Variants in ZDHHC2 observed in about 807,000 individuals in gnomAD.
ZDHHC2 encodes the protein zDHHC palmitoyltransferase 2.
In ZDHHC2, 51 loss-of-function variants were observed where a neutral mutation model predicts 55.6. That is an observed-to-expected ratio of 0.92 (90% CI 0.73 to 1.16). The LOEUF is 1.16. ZDHHC2 is among the 50% of genes most tolerant of loss of function. The probability of loss-of-function intolerance (pLI) is 0.00; values close to 1 mark genes in which losing one functional copy is unlikely to be tolerated. For missense variants in ZDHHC2, 491 were observed against 442.4 expected (o/e 1.11, Z -0.99); for synonymous variants, 199 against 152.9 (o/e 1.30, Z -2.22).
At chr8:17,215,567 C>CT (rs1401778449) in intron 11 of ZDHHC2, among the ~76,000 whole-genome samples, 1 of 152,190 alleles carries the variant, frequency 6.6e-6, no homozygotes, top group East Asian at 1.9e-4. Context: ...TCTGCATTGC[C>CT]TTTTTTCTGT....
intron 6 of ZDHHC2, among the ~76,000 whole-genome samples, chr8:17,200,630 AAAT>A (rs1191115696): frequency 6.6e-6 from 1 of 152,248 alleles, no homozygotes; most frequent in East Asian, 1.9e-4. Context: ...CAAAAAGAGA[AAAT>A]AATAATTTAT....
chr8:17,209,822 T>C lies in ZDHHC2; in HGVS notation c.731-110T>C. The C allele has an allele frequency of 2.3e-6, 3 of 1,295,948 alleles. No individual in the cohort carries two copies. The East Asian group carries it at 7.8e-5, about 34-fold the overall frequency. The allele number at this position is 1,295,948 out of a possible 1,614,324, so 80.3% of individuals were successfully genotyped here. On this transcript the variant is annotated intron_variant, in intron 8 of 12. Transcript: ENST00000262096. ...AGGCACATAAGCCCTCACAGTCAGCTAGCCATTGATTTTCAGAGTTTCTTC... is the reference window on the plus strand; with the variant it reads ...AGGCACATAAGCCCTCACAGTCAGCCAGCCATTGATTTTCAGAGTTTCTTC...
intron 1 of ZDHHC2, among the ~76,000 whole-genome samples, chr8:17,178,752 T>C (rs2517082): frequency 0.75 from 114,760 of 152,152 alleles, 43,503 homozygotes; most frequent in East Asian, 0.8. Flanking sequence ...AGGAGCAGTT[T>C]GTCATCCTTT....
In ZDHHC2 at chr8:17,185,495, TA is replaced by T. The variant is rs952810391; in HGVS notation, c.157+691del. On this transcript the variant is annotated intron_variant, in intron 2 of 12. Coordinates refer to ENST00000262096, the MANE Select transcript of ZDHHC2 (RefSeq NM_016353.5). Reference sequence around the variant, plus strand: ...AGCATGGTGAAACCCTGTCTCTACTTAAAAAAAAAAAGAAAAATACTAACAT... The same window carrying T: ...AGCATGGTGAAACCCTGTCTCTACTTAAAAAAAAAAGAAAAATACTAACAT... 7.7e-4 allele frequency among the ~76,000 whole-genome samples: 110 copies of T among 143,214 alleles called. No homozygotes were observed. The East Asian group carries it at 0.011, about 15-fold the overall frequency. The allele number at this position is 143,214 out of a possible 152,430, so 94.0% of individuals were successfully genotyped here. A position where few individuals can be genotyped will look rare whatever the true frequency, so the allele number is the denominator to read the frequency against.
In ZDHHC2 at chr8:17,215,225, AT is replaced by A; in HGVS notation, c.951-10del. 1 of 1,558,616 alleles carries A rather than the reference AT, an allele frequency of 6.4e-7. No individual in the cohort carries two copies. The highest frequency in any genetic ancestry group is 8.7e-7 in the Non-Finnish European group (1 of 1,150,216). ...TTATGATGATTTTGATGATTATTCA[AT>A]TATTATTCAGTCTCGAAAACCATCA... On this transcript the variant is annotated splice_polypyrimidine_tract_variant and intron_variant, in intron 10 of 12. Transcript: ENST00000262096.
chr8:17,173,542 G>A (rs910918976), intron 1 of ZDHHC2, among the ~76,000 whole-genome samples: 3 of 151,766 alleles, frequency 2.0e-5, no homozygotes, highest in Non-Finnish European at 2.9e-5. Flanking sequence ...AATTAGGAGG[G>A]CATGGTGGCA....
chr8:17,199,697 C>T (rs1199248339), intron 6 of ZDHHC2, among the ~76,000 whole-genome samples: 12 of 145,610 alleles, frequency 8.2e-5, no homozygotes, highest in African/African-American at 2.2e-4. Context: ...TCTTCTTTCT[C>T]CTTCTTCCTT....
In ZDHHC2 at chr8:17,210,423, T is replaced by A; in HGVS notation, c.893T>A (p.Val298Asp). Residue 298 changes from valine (V) to aspartate (D), a missense_variant, in exon 10 of 13, where the codon GTT becomes GAT. Physicochemically the swap from Val to Asp is radical, Grantham distance 152. Transcript: ENST00000262096. ...GDGCSFPTCL[V>D]NQDPEQASTP... ...GGCTGCTCCTTTCCAACTTGCCTTG[T>A]TAACCAGGATCCTGAACAAGCATCT... 1.2e-6 allele frequency: 2 copies of A among 1,613,502 alleles called. No individual in the cohort carries two copies. The highest frequency in any genetic ancestry group is 1.7e-6 in the Non-Finnish European group (2 of 1,179,674).
At chr8:17,167,845 A>G (rs372899751) in intron 1 of ZDHHC2, among the ~76,000 whole-genome samples, 1 of 149,752 alleles carries the variant, frequency 6.7e-6, no homozygotes, top group East Asian at 2.0e-4. Context: ...TAAAATAATC[A>G]CAAAAAAATG....
intron 1 of ZDHHC2, among the ~76,000 whole-genome samples, chr8:17,182,243 T>G (rs895016921): frequency 6.6e-6 from 1 of 152,180 alleles, no homozygotes; most frequent in African/African-American, 2.4e-5. Context: ...ATAACAGATA[T>G]GAGATTTCTG....
chr8:17,199,001 C>G (rs1364658030), intron 6 of ZDHHC2, among the ~76,000 whole-genome samples: 2 of 151,908 alleles, frequency 1.3e-5, no homozygotes, highest in African/African-American at 4.8e-5. Context: ...CTTCCTTTTC[C>G]TATAATTTTT....
intron 1 of ZDHHC2, among the ~76,000 whole-genome samples, chr8:17,183,423 C>T (rs775095043): frequency 6.6e-6 from 1 of 152,218 alleles, no homozygotes; most frequent in East Asian, 1.9e-4. Flanking sequence ...TTCAGGGATT[C>T]TATGAGAAAG....
At chr8:17,167,898 G>C (rs572036359) in intron 1 of ZDHHC2, among the ~76,000 whole-genome samples, 2 of 152,172 alleles carry the variant, frequency 1.3e-5, no homozygotes, top group Admixed American at 6.5e-5. Context: ...GCATTGCCTA[G>C]AGATAACTGT....
At chr8:17,165,774 A>C (rs1476936203) in intron 1 of ZDHHC2, among the ~76,000 whole-genome samples, 1 of 152,192 alleles carries the variant, frequency 6.6e-6, no homozygotes, top group Non-Finnish European at 1.5e-5. Flanking sequence ...TGCCAGAGGA[A>C]GGTTTCGATT....
chr8:17,171,064 A>G (rs1304269275), intron 1 of ZDHHC2, among the ~76,000 whole-genome samples: 2 of 152,154 alleles, frequency 1.3e-5, no homozygotes. Flanking sequence ...AGTATCCACC[A>G]TAGACTTACA....
intron 5 of ZDHHC2, among the ~76,000 whole-genome samples, chr8:17,197,970 C>G (rs1304291918): frequency 6.6e-6 from 1 of 152,168 alleles, no homozygotes; most frequent in Non-Finnish European, 1.5e-5. Flanking sequence ...GACTTCAGGA[C>G]AGTCAGACGT....
At chr8:17,167,707 A>C (rs945082750) in intron 1 of ZDHHC2, among the ~76,000 whole-genome samples, 6 of 152,354 alleles carry the variant, frequency 3.9e-5, no homozygotes, top group African/African-American at 1.4e-4. Flanking sequence ...AGTTAATTGT[A>C]GAACTCACTT....
intron 4 of ZDHHC2, among the ~76,000 whole-genome samples, chr8:17,195,933 G>A (rs983182784): frequency 1.3e-5 from 2 of 152,204 alleles, no homozygotes; most frequent in Non-Finnish European, 2.9e-5. Flanking sequence ...CATGTTTAAG[G>A]TTTTAATTGT....
At chr8:17,165,612 G>A (rs866041864) in intron 1 of ZDHHC2, among the ~76,000 whole-genome samples, 1 of 151,994 alleles carries the variant, frequency 6.6e-6, no homozygotes, top group Non-Finnish European at 1.5e-5. Flanking sequence ...TAATTTATTC[G>A]TTCAAAAAAT....
Sources: gnomAD v4.1 joint callset for allele counts (sites outside exome capture counted in the v4.1 genomes callset) on GRCh38, gnomAD v4.1.1 for gene constraint, MANE v1.5 for transcripts, NCBI Gene and HGNC (gene_info 2026-07-23, HGNC 2026-07-21) for gene names.